The following EFCAB11 variants were observed in gnomAD, a reference collection of about 807,000 sequenced individuals.
EFCAB11 encodes EF-hand calcium-binding domain-containing protein 11.
A neutral mutation model predicts 23.0 loss-of-function variants in EFCAB11; 14 were observed. That is an observed-to-expected ratio of 0.61 (90% confidence interval 0.40 to 0.95). The LOEUF (loss-of-function observed/expected upper bound fraction) is 0.95, where lower values mean the gene tolerates loss of function less well. Ranked by LOEUF, EFCAB11 falls within the 40% of genes least tolerant of loss-of-function variation. The pLI is 0.00. For synonymous variants in EFCAB11, 65 were observed against 66.6 expected (o/e 0.98, Z 0.11); for missense variants, 198 against 195.8 (o/e 1.01, Z -0.07).
At chr14:89,866,655 G>T (rs1476152225) in intron 5 of EFCAB11, among the ~76,000 whole-genome samples, 1 of 152,174 alleles carries the variant, frequency 6.6e-6, no homozygotes, top group African/African-American at 2.4e-5. Flanking sequence ...TCCTTGTCTA[G>T]GCTGAAACAT....
At position 89,932,539 on chromosome 14, in the gene EFCAB11, G is replaced by A; in HGVS notation, c.306C>T (p.Ala102=). ...YRNEVRHIFT[A]FDTYYRGFLT... ...AGAGACACTTACAGTAGGTGTCAAA[G>A]GCTGTGAAGATGTGTCTTACTTCGT... Residue 102 remains alanine, a synonymous_variant, in exon 4 of 6, where the codon GCC becomes GCT. Transcript: ENST00000316738. 6.2e-7 allele frequency: 1 copy of A among 1,613,548 alleles called. No individual in the cohort carries two copies.
chr14:89,932,702 C>A (rs1890437032), intron 3 of EFCAB11, 75 bp from the exon 4 acceptor site: 2 of 1,142,280 alleles, frequency 1.8e-6, no homozygotes, highest in Admixed American at 1.8e-5. Flanking sequence ...CAGAAATGGA[C>A]AGTAATAAAT....
intron 5 of EFCAB11, among the ~76,000 whole-genome samples, chr14:89,819,372 G>A (rs190240129): frequency 6.6e-6 from 1 of 152,194 alleles, no homozygotes; most frequent in East Asian, 1.9e-4. Flanking sequence ...GAGGTGGGAA[G>A]GGGTAGGAGG....
intron 5 of EFCAB11, among the ~76,000 whole-genome samples, chr14:89,877,967 A>T (rs1368707421): frequency 1.3e-5 from 2 of 152,206 alleles, no homozygotes; most frequent in African/African-American, 2.4e-5. Context: ...AAAACTCAAT[A>T]ATAAAAGCCT....
At chr14:89,873,118 T>C (rs960325406) in intron 5 of EFCAB11, among the ~76,000 whole-genome samples, 88 of 152,208 alleles carry the variant, frequency 5.8e-4, no homozygotes, top group African/African-American at 2.1e-3. Flanking sequence ...GGAGGTTTAA[T>C]TGACTCACAG....
intron 5 of EFCAB11, among the ~76,000 whole-genome samples, chr14:89,907,875 C>T (rs573663747): frequency 2.0e-5 from 3 of 152,234 alleles, no homozygotes; most frequent in East Asian, 1.9e-4. Context: ...CCTGTTGCCT[C>T]GTCAGTAAAA....
chr14:89,922,750 G>A (rs750633073), intron 5 of EFCAB11, among the ~76,000 whole-genome samples: 4 of 152,084 alleles, frequency 2.6e-5, no homozygotes, highest in Non-Finnish European at 4.4e-5. Flanking sequence ...GCCTTCTCAC[G>A]TTTAGCTTCC....
rs141210476 is a variant in EFCAB11 at position 89,889,758 on chromosome 14, G to A, written c.410+41783C>T. Among the ~76,000 whole-genome samples, 49 of 152,342 alleles carry A rather than the reference G, an allele frequency of 3.2e-4. 1 individual carries two copies. Among genetic ancestry groups the A allele is most frequent in the Middle Eastern group, 3.4e-3 (1 of 294 alleles). On this transcript the variant is annotated intron_variant, in intron 5 of 5. Transcript: ENST00000316738. ...AGCCCACAATTAAACCCTGGGCACT[G>A]AGTCTCTACTGAGCTTCCCTGGTTG... is the stretch of plus-strand genomic sequence containing the variant.
rs1320295042 is a variant in EFCAB11 at position 89,952,662 on chromosome 14, A to G, written c.171+1244T>C. The G allele has an allele frequency of 3.1e-6, 3 of 960,714 alleles. No homozygotes were observed. In the African/African-American group the frequency reaches 5.3e-5, roughly 17 times the overall value. The allele number at this position is 960,714 out of a possible 1,614,324, so 59.5% of individuals were successfully genotyped here. On this transcript the variant is annotated intron_variant, in intron 2 of 5. Transcript: ENST00000316738. ...TACTTATTGTGCATCACAACTTCACAGTAAGTATGTTCTGTTGACACAAAT... is the reference window on the plus strand; with the variant it reads ...TACTTATTGTGCATCACAACTTCACGGTAAGTATGTTCTGTTGACACAAAT...
intron 5 of EFCAB11, among the ~76,000 whole-genome samples, chr14:89,852,327 G>A (rs1001568597): frequency 6.6e-6 from 1 of 152,186 alleles, no homozygotes; most frequent in African/African-American, 2.4e-5. Context: ...ACACTGTTGT[G>A]GATGCTGTAG....
intron 5 of EFCAB11, among the ~76,000 whole-genome samples, chr14:89,878,122 A>G (rs1191387056): frequency 6.6e-6 from 1 of 152,226 alleles, no homozygotes; most frequent in Non-Finnish European, 1.5e-5. Flanking sequence ...AAGACAGATG[A>G]CTAGGAGAAA....
chr14:89,799,763 G>A (rs548719938), intron 5 of EFCAB11, among the ~76,000 whole-genome samples: 33 of 151,956 alleles, frequency 2.2e-4, no homozygotes, highest in Middle Eastern at 3.4e-3. Flanking sequence ...GATGAATGTC[G>A]AATGAATGAA....
At chr14:89,813,060 G>A (rs1216837151) in intron 5 of EFCAB11, among the ~76,000 whole-genome samples, 1 of 152,128 alleles carries the variant, frequency 6.6e-6, no homozygotes, top group African/African-American at 2.4e-5. Context: ...AAAGAGAACA[G>A]AAAAGGCTAA....
intron 5 of EFCAB11, among the ~76,000 whole-genome samples, chr14:89,909,632 C>T (rs1211254437): frequency 3.0e-5 from 4 of 133,074 alleles, no homozygotes; most frequent in Non-Finnish European, 6.0e-5. Context: ...CCCTACATTT[C>T]GATGGCTTCC....
rs148385577 is a variant in EFCAB11 at position 89,820,992 on chromosome 14, T to C, written c.411-23668A>G. Reference sequence around the variant, plus strand: ...AGGCAGTGGCCTGATCTCAGCTCACTGCCACCTTGAACTCCTGGGATCAAA... The same window carrying C: ...AGGCAGTGGCCTGATCTCAGCTCACCGCCACCTTGAACTCCTGGGATCAAA... On this transcript the variant is annotated intron_variant, in intron 5 of 5. Coordinates refer to ENST00000316738, the MANE Select transcript of EFCAB11 (RefSeq NM_145231.4). Among the ~76,000 whole-genome samples the C allele has an allele frequency of 2.3e-4, 35 of 152,270 alleles. No individual in the cohort carries two copies. The East Asian group carries it at 4.6e-3, about 20-fold the overall frequency.
chr14:89,892,335 A>AG, intron 5 of EFCAB11: 1 of 1,613,850 alleles, frequency 6.2e-7, no homozygotes, highest in Non-Finnish European at 8.5e-7. Context: ...GCCCTGCAGC[A>AG]GGGGGACATC....
chr14:89,823,735 G>T (rs555164565), intron 5 of EFCAB11, among the ~76,000 whole-genome samples: 2 of 152,214 alleles, frequency 1.3e-5, no homozygotes, highest in East Asian at 3.9e-4. Context: ...GACAGAAATG[G>T]AAAGTATTTT....
chr14:89,948,654 C>T (rs973388971), intron 3 of EFCAB11, among the ~76,000 whole-genome samples: 1 of 151,976 alleles, frequency 6.6e-6, no homozygotes, highest in Non-Finnish European at 1.5e-5. Flanking sequence ...TACTATTCAG[C>T]AATAAAAAAG....
intron 3 of EFCAB11, among the ~76,000 whole-genome samples, chr14:89,936,026 A>C (rs76723528): frequency 0.055 from 8,370 of 152,074 alleles, 351 homozygotes; most frequent in African/African-American, 0.11. Context: ...AAAAAAAAAA[A>C]CCCATGTTTT....
Sources: gnomAD v4.1 joint callset for allele counts (sites outside exome capture counted in the v4.1 genomes callset) on GRCh38, gnomAD v4.1.1 for gene constraint, MANE v1.5 for transcripts, NCBI Gene and HGNC (gene_info 2026-07-23, HGNC 2026-07-21) for gene names.